PTPRR: variants seen among roughly 807,000 people sequenced by gnomAD.
The protein encoded by PTPRR is receptor-type tyrosine-protein phosphatase R.
A neutral mutation model predicts 77.2 loss-of-function variants in PTPRR; 38 were observed. The observed-to-expected ratio is 0.49, with a 90% CI of 0.38 to 0.65. The LOEUF (loss-of-function observed/expected upper bound fraction) is 0.65. Among genes scored for constraint, PTPRR ranks in the 30% least tolerant of loss-of-function variants. The probability of loss-of-function intolerance (pLI) is 0.00; values close to 1 mark genes in which losing one functional copy is unlikely to be tolerated. For synonymous variants in PTPRR, 299 were observed against 283.1 expected, an observed-to-expected ratio of 1.06 and a Z score of -0.57; for missense variants, 744 against 799.2, an observed-to-expected ratio of 0.93 and a Z score of 0.83.
chr12:70,682,193 G>A (rs574253858), intron 10 of PTPRR, among the ~76,000 whole-genome samples: 1,623 of 150,812 alleles, frequency 0.011, 32 homozygotes, highest in African/African-American at 0.037. Context: ...ACAGGCGCCC[G>A]CCACCACGCC....
At chr12:70,767,361 A>G (rs894394275) in intron 2 of PTPRR, among the ~76,000 whole-genome samples, 5 of 149,918 alleles carry the variant, frequency 3.3e-5, no homozygotes, top group Non-Finnish European at 7.5e-5. Context: ...CAGGGGTTGC[A>G]ATCCTAGTCT....
rs192071297 is a variant in PTPRR at position 70,842,084 on chromosome 12, A to G, written c.357+50595T>C. Among the ~76,000 whole-genome samples, 483 of 152,308 alleles carry G rather than the reference A, an allele frequency of 3.2e-3. 1 individual carries two copies. The highest frequency in any genetic ancestry group is 4.7e-3 in the Non-Finnish European group (318 of 68,028). The stretch of plus-strand genomic sequence containing the variant: ...TATTTCCTCTTAAAAAGCCCTACAA[A>G]GCAATTCCTATGGAAACAAAAATGT... On this transcript the variant is annotated intron_variant, in intron 2 of 13. Coordinates refer to ENST00000283228, the MANE Select transcript of PTPRR (RefSeq NM_002849.4).
intron 6 of PTPRR, among the ~76,000 whole-genome samples, chr12:70,725,662 A>G (rs914244343): frequency 5.3e-5 from 8 of 152,206 alleles, no homozygotes; most frequent in Non-Finnish European, 1.0e-4. Context: ...TCCTTGTGGT[A>G]CAAATGGTTT....
At chr12:70,761,425 C>T in intron 4 of PTPRR, 46 bp downstream of exon 4, 2 of 1,482,918 alleles carry the variant, frequency 1.3e-6, no homozygotes, top group Non-Finnish European at 9.1e-7. Context: ...CCATAGCATG[C>T]TAACTGTTCA....
chr12:70,809,202 CT>C (rs989376922), intron 2 of PTPRR, among the ~76,000 whole-genome samples: 1 of 152,168 alleles, frequency 6.6e-6, no homozygotes, highest in Non-Finnish European at 1.5e-5. Flanking sequence ...CTCTTTGTCT[CT>C]TTCCCCTTCC....
At chr12:70,670,543 C>T (rs369289786) in intron 10 of PTPRR, among the ~76,000 whole-genome samples, 1 of 152,194 alleles carries the variant, frequency 6.6e-6, no homozygotes, top group Non-Finnish European at 1.5e-5. Context: ...CACATATGAT[C>T]AATAAATGGT....
At chr12:70,718,268 G>T (rs1592701610) in intron 6 of PTPRR, among the ~76,000 whole-genome samples, 1 of 147,030 alleles carries the variant, frequency 6.8e-6, no homozygotes, top group African/African-American at 2.5e-5. Context: ...ATGGTCCACT[G>T]TTTTTTTTTT....
intron 4 of PTPRR, among the ~76,000 whole-genome samples, chr12:70,758,498 A>T (rs1890613577): frequency 6.6e-6 from 1 of 151,958 alleles, no homozygotes; most frequent in Non-Finnish European, 1.5e-5. Context: ...CGTTTACATG[A>T]TTCTCTAAAA....
At chr12:70,722,403 A>G (rs1889290022) in intron 6 of PTPRR, among the ~76,000 whole-genome samples, 1 of 152,066 alleles carries the variant, frequency 6.6e-6, no homozygotes, top group Non-Finnish European at 1.5e-5. Context: ...ATAAAATTAG[A>G]CCTATATTTT....
chr12:70,847,695 T>C (rs550020454), intron 2 of PTPRR, among the ~76,000 whole-genome samples: 160 of 152,294 alleles, frequency 1.1e-3, no homozygotes, highest in African/African-American at 3.8e-3. Context: ...GCTTTGGATT[T>C]AATCCTCCTA....
At chr12:70,661,433 TGA>T (rs1475910734) in intron 11 of PTPRR, among the ~76,000 whole-genome samples, 2 of 152,228 alleles carry the variant, frequency 1.3e-5, no homozygotes, top group African/African-American at 4.8e-5. Context: ...CAAGAAAGAA[TGA>T]GATATATTTT....
At chr12:70,771,254 T>C (rs1278667489) in intron 2 of PTPRR, among the ~76,000 whole-genome samples, 1 of 152,040 alleles carries the variant, frequency 6.6e-6, no homozygotes, top group Admixed American at 6.6e-5. Flanking sequence ...TTGCAGCACA[T>C]GGTTGCAGCC....
chr12:70,680,807 C>T (rs12828154), intron 10 of PTPRR, among the ~76,000 whole-genome samples: 88,650 of 152,016 alleles, frequency 0.58, 29,448 homozygotes, highest in Non-Finnish European at 0.75. Flanking sequence ...TATATGCGGA[C>T]AGGTCTGCCA....
chr12:70,827,084 C>A (rs1892122340), intron 2 of PTPRR, among the ~76,000 whole-genome samples: 2 of 152,236 alleles, frequency 1.3e-5, no homozygotes, highest in South Asian at 4.1e-4. Context: ...CCTCAGCTAG[C>A]ACTATCCCCT....
At chr12:70,647,645 CA>C (rs761637687) in intron 13 of PTPRR, among the ~76,000 whole-genome samples, 3 of 152,142 alleles carry the variant, frequency 2.0e-5, no homozygotes, top group Admixed American at 6.5e-5. Flanking sequence ...TATAGTTGAA[CA>C]ATTTAGTGAT....
chr12:70,722,577 T>A (rs1198340173), intron 6 of PTPRR, among the ~76,000 whole-genome samples: 1 of 152,168 alleles, frequency 6.6e-6, no homozygotes, highest in Non-Finnish European at 1.5e-5. Context: ...CTTGACTTTG[T>A]GCTTAGCTTT....
chr12:70,920,649 T>G lies in PTPRR; in HGVS notation c.-259A>C. The G allele has an allele frequency of 2.5e-6, 1 of 395,762 alleles. No individual in the cohort carries two copies. The highest frequency in any genetic ancestry group is 4.8e-6 in the Non-Finnish European group (1 of 209,958). The allele number at this position is 395,762 out of a possible 1,614,324, so 24.5% of individuals were successfully genotyped here. ...GCTCAGAGGCGGCAAATGCCTGGCCTTCTGGACGCCCAGAAGCCAAGGCGG... is the reference window on the plus strand; with the variant it reads ...GCTCAGAGGCGGCAAATGCCTGGCCGTCTGGACGCCCAGAAGCCAAGGCGG... On this transcript the variant is annotated 5_prime_UTR_variant, in exon 1 of 14. Coordinates refer to ENST00000283228, the MANE Select transcript of PTPRR (RefSeq NM_002849.4).
intron 2 of PTPRR, among the ~76,000 whole-genome samples, chr12:70,815,884 C>T (rs1160765674): frequency 6.6e-6 from 1 of 152,150 alleles, no homozygotes; most frequent in Non-Finnish European, 1.5e-5. Context: ...CTTCCAAGTG[C>T]TATGGCCTAA....
intron 2 of PTPRR, among the ~76,000 whole-genome samples, chr12:70,797,987 A>G (rs1891545797): frequency 6.6e-6 from 1 of 152,194 alleles, no homozygotes; most frequent in African/African-American, 2.4e-5. Flanking sequence ...CTTCAGCCAA[A>G]GTCTTTCCTC....
Sources: allele counts gnomAD v4.1 joint callset (sites outside exome capture counted in the v4.1 genomes callset), GRCh38; gene constraint gnomAD v4.1.1; transcripts MANE v1.5; gene names NCBI Gene and HGNC (gene_info 2026-07-23, HGNC 2026-07-21).